Variants in TGFBR3 observed in about 807,000 individuals in gnomAD.
The protein encoded by TGFBR3 is transforming growth factor beta receptor type 3.
TGFBR3 carries 46 observed loss-of-function variants against 87.9 expected under a neutral mutation model. That is an observed-to-expected ratio of 0.52 (90% CI 0.41 to 0.67). The LOEUF is 0.67. TGFBR3 is among the 30% of genes least tolerant of loss of function. TGFBR3 has a pLI of 0.00. For synonymous variants in TGFBR3, 381 were observed against 391.6 expected (o/e 0.97, Z 0.32); for missense variants, 866 against 1,041.9 (o/e 0.83, Z 2.32).
At chr1:91,733,469 C>A (rs909581588) in intron 5 of TGFBR3, among the ~76,000 whole-genome samples, 2 of 152,212 alleles carry the variant, frequency 1.3e-5, no homozygotes, top group African/African-American at 4.8e-5. Context: ...CCGACGTCCA[C>A]GTCCACCTTT....
At chr1:91,797,186 T>C (rs1675421569) in intron 3 of TGFBR3, 101 bp downstream of exon 3, 1 of 1,265,876 alleles carries the variant, frequency 7.9e-7, no homozygotes, top group Non-Finnish European at 1.2e-6. Flanking sequence ...ATACATGAGC[T>C]TCTTTTGTTG....
upstream of TGFBR3, among the ~76,000 whole-genome samples, chr1:91,888,420 C>T (rs528923419): frequency 2.6e-5 from 4 of 152,274 alleles, no homozygotes; most frequent in Non-Finnish European, 5.9e-5. Flanking sequence ...TTAAATGCAT[C>T]GGCCAGGTGA....
chr1:91,775,665 C>T (rs1258380825), intron 3 of TGFBR3, among the ~76,000 whole-genome samples: 1 of 152,208 alleles, frequency 6.6e-6, no homozygotes, highest in Non-Finnish European at 1.5e-5. Flanking sequence ...AAGAATATCT[C>T]CTGGGCACTT....
chr1:91,752,171 T>C (rs1246987047), intron 4 of TGFBR3, among the ~76,000 whole-genome samples: 1 of 152,174 alleles, frequency 6.6e-6, no homozygotes, highest in Admixed American at 6.5e-5. Context: ...CCCAATAAAG[T>C]ACAGGACACC....
intron 1 of TGFBR3, among the ~76,000 whole-genome samples, chr1:91,900,186 C>T (rs771505736): frequency 2.6e-5 from 4 of 152,292 alleles, no homozygotes; most frequent in African/African-American, 9.6e-5. Context: ...GCAATCTCAG[C>T]TGACTGCAAC....
rs181751261 is a variant in TGFBR3 at position 91,809,467 on chromosome 1, G to A, written c.62-11996C>T. Among the ~76,000 whole-genome samples, 6 of 152,278 alleles carry A rather than the reference G, an allele frequency of 3.9e-5. No individual in the cohort carries two copies. In the East Asian group the frequency reaches 1.2e-3, roughly 29 times the overall value. On this transcript the variant is annotated intron_variant, in intron 2 of 16. Transcript: ENST00000212355. ...TGTAAGAGGGTCAGGAAGGGCAGAA[G>A]GGGGAAACCACAACTGCTGGGGAGT...
At chr1:91,727,036 T>C (rs1672574283) in intron 7 of TGFBR3, among the ~76,000 whole-genome samples, 1 of 152,208 alleles carries the variant, frequency 6.6e-6, no homozygotes, top group Non-Finnish European at 1.5e-5. Context: ...TACATCTCTA[T>C]TAAATAGAGG....
chr1:91,880,489 T>C (rs921696848), intron 1 of TGFBR3, among the ~76,000 whole-genome samples: 1 of 151,838 alleles, frequency 6.6e-6, no homozygotes, highest in African/African-American at 2.4e-5. Context: ...TCTCAGCTAC[T>C]CGGGAGACTG....
upstream of TGFBR3, among the ~76,000 whole-genome samples, chr1:91,886,704 G>A (rs1435831162): frequency 1.3e-5 from 2 of 152,222 alleles, no homozygotes; most frequent in African/African-American, 2.4e-5. Flanking sequence ...CCCAACCTCC[G>A]GTCCCGCTTG....
intron 14 of TGFBR3, 140 bp downstream of exon 14, chr1:91,708,523 G>A (rs1671876392): frequency 6.8e-6 from 9 of 1,325,928 alleles, no homozygotes; most frequent in African/African-American, 5.8e-5. Flanking sequence ...AGACTCTTCG[G>A]GCAAAAAATG....
intron 2 of TGFBR3, among the ~76,000 whole-genome samples, chr1:91,833,779 C>CA (rs34182358): frequency 0.013 from 1,814 of 136,698 alleles, 41 homozygotes; most frequent in African/African-American, 0.049. Context: ...GACTTCATCT[C>CA]AAAAAAAAAA....
intron 2 of TGFBR3, among the ~76,000 whole-genome samples, chr1:91,851,084 T>C (rs935653521): frequency 7.9e-5 from 12 of 152,328 alleles, no homozygotes; most frequent in Middle Eastern, 6.8e-3. Flanking sequence ...AAAATAATTT[T>C]TTAAATCAAC....
At chr1:91,705,538 T>C (rs567135419) in intron 14 of TGFBR3, among the ~76,000 whole-genome samples, 3 of 146,320 alleles carry the variant, frequency 2.1e-5, no homozygotes, top group East Asian at 3.9e-4. Flanking sequence ...CCACAGTCTC[T>C]TTTCAAATGA....
At chr1:91,739,687 A>G (rs11165407) in intron 4 of TGFBR3, among the ~76,000 whole-genome samples, 144,355 of 152,178 alleles carry the variant, frequency 0.95, 68,975 homozygotes, top group East Asian at 1. Context: ...GCTACAACCC[A>G]CCAAGAACCC....
chr1:91,764,521 A>G (rs1286911807), intron 3 of TGFBR3, among the ~76,000 whole-genome samples: 1 of 152,000 alleles, frequency 6.6e-6, no homozygotes, highest in Non-Finnish European at 1.5e-5. Flanking sequence ...GAGCCGTTGC[A>G]AGGAGATTCC....
intron 4 of TGFBR3, among the ~76,000 whole-genome samples, chr1:91,738,715 TGCAAGAACA>T (rs1323681965): frequency 2.0e-5 from 3 of 152,214 alleles, no homozygotes; most frequent in Non-Finnish European, 4.4e-5. Context: ...TTTTTAGCAA[TGCAAGAACA>T]GCCTAATAAA....
At position 91,789,009 on chromosome 1, in the gene TGFBR3, AGGGGTCAGCT is replaced by A. The variant is rs1490788588; in HGVS notation, c.246+8268_246+8277del. On this transcript the variant is annotated intron_variant, in intron 3 of 16. Transcript: ENST00000212355. ...ATGCTGCTGCTGGACAAATTTTAAA[AGGGGTCAGCT>A]GGGCACGGTGGCTCACGCCTGTAAT... is the stretch of plus-strand genomic sequence containing the variant. Among the ~76,000 whole-genome samples the A allele has an allele frequency of 7.9e-5, 12 of 152,324 alleles. No individual in the cohort carries two copies. In the South Asian group the frequency reaches 2.3e-3, roughly 29 times the overall value.
chr1:91,841,956 C>T (rs975804486), intron 2 of TGFBR3, among the ~76,000 whole-genome samples: 2 of 151,704 alleles, frequency 1.3e-5, no homozygotes, highest in African/African-American at 4.8e-5. Flanking sequence ...AAAAAATTAG[C>T]CAAGCATGGT....
At chr1:91,887,329 A>G (rs1479136767), upstream of TGFBR3, among the ~76,000 whole-genome samples, 1 of 138,736 alleles carries the variant, frequency 7.2e-6, no homozygotes, top group Non-Finnish European at 1.5e-5. Context: ...TCAGCTCGCT[A>G]CAACCTCCGC....
Sources: allele counts gnomAD v4.1 joint callset (sites outside exome capture counted in the v4.1 genomes callset), GRCh38; gene constraint gnomAD v4.1.1; transcripts MANE v1.5; gene names NCBI Gene and HGNC (gene_info 2026-07-23, HGNC 2026-07-21).